The following IMPG1 variants were observed in gnomAD, a reference collection of about 807,000 sequenced individuals.
IMPG1 encodes the protein interphotoreceptor matrix proteoglycan of 150 kDa.
Under a neutral mutation model 92.0 loss-of-function variants are expected in IMPG1, and 85 were observed. The ratio of observed to expected loss-of-function variants is 0.92; its 90% CI spans 0.78 to 1.11. The LOEUF (loss-of-function observed/expected upper bound fraction) is 1.11, where lower values mean the gene tolerates loss of function less well. Among genes scored for constraint, IMPG1 ranks in the 50% least tolerant of loss-of-function variants. The probability of loss-of-function intolerance (pLI) is 0.00; values close to 1 mark genes in which losing one functional copy is unlikely to be tolerated. For synonymous variants in IMPG1, 367 were observed against 334.1 expected (o/e 1.10, Z -1.08); for missense variants, 1,022 against 956.0 (o/e 1.07, Z -0.91).
At chr6:75,932,973 T>A (rs1012763038) in intron 14 of IMPG1, among the ~76,000 whole-genome samples, 1 of 152,158 alleles carries the variant, frequency 6.6e-6, no homozygotes, top group Non-Finnish European at 1.5e-5. Flanking sequence ...AGTGCTGGGA[T>A]TACAGGCGTG....
chr6:75,949,014 G>T (rs1275778756), intron 13 of IMPG1, among the ~76,000 whole-genome samples: 1 of 152,170 alleles, frequency 6.6e-6, no homozygotes, highest in Non-Finnish European at 1.5e-5. Flanking sequence ...ATAGAGCTAA[G>T]CTGTCCTACC....
At chr6:75,988,610 T>TA (rs1405037522) in intron 12 of IMPG1, among the ~76,000 whole-genome samples, 3 of 152,196 alleles carry the variant, frequency 2.0e-5, no homozygotes, top group Non-Finnish European at 4.4e-5. Flanking sequence ...GAGTGAAACT[T>TA]ATAAGAAAGA....
chr6:76,035,393 G>C (rs893841294), intron 2 of IMPG1, among the ~76,000 whole-genome samples: 6 of 151,852 alleles, frequency 4.0e-5, no homozygotes, highest in Non-Finnish European at 5.9e-5. Context: ...CAGCTACTTG[G>C]GGGGCTGAGG....
At chr6:75,995,391 T>G (rs2149474510) in intron 12 of IMPG1, among the ~76,000 whole-genome samples, 1 of 152,318 alleles carries the variant, frequency 6.6e-6, no homozygotes, top group East Asian at 1.9e-4. Flanking sequence ...CTTCTAGAGC[T>G]TCACCATTTT....
chr6:76,013,580 C>A (rs1783230321), intron 7 of IMPG1, among the ~76,000 whole-genome samples: 1 of 152,106 alleles, frequency 6.6e-6, no homozygotes, highest in South Asian at 2.1e-4. Flanking sequence ...CAGTATACCC[C>A]ATAAAAGTCT....
chr6:75,975,869 T>C (rs1173706303), intron 12 of IMPG1, among the ~76,000 whole-genome samples: 1 of 152,244 alleles, frequency 6.6e-6, no homozygotes, highest in East Asian at 1.9e-4. Context: ...TGGGCATGGC[T>C]ACATTCCAAT....
intron 10 of IMPG1, among the ~76,000 whole-genome samples, chr6:76,004,170 A>T: frequency 6.6e-6 from 1 of 152,180 alleles, no homozygotes; most frequent in East Asian, 1.9e-4. Flanking sequence ...ATGTGATAAG[A>T]ATAGTTATTA....
intron 13 of IMPG1, among the ~76,000 whole-genome samples, chr6:75,949,030 A>G (rs938325222): frequency 6.6e-5 from 10 of 152,200 alleles, no homozygotes; most frequent in African/African-American, 1.9e-4. Context: ...CTACCCATCA[A>G]GTGAAAGAGA....
At chr6:76,038,971 A>T (rs536855450) in intron 2 of IMPG1, among the ~76,000 whole-genome samples, 6 of 152,340 alleles carry the variant, frequency 3.9e-5, no homozygotes, top group African/African-American at 1.2e-4. Flanking sequence ...TTGTGCACAC[A>T]TTAGAGGGTG....
chr6:76,062,877 T>G (rs1299675620), intron 1 of IMPG1, among the ~76,000 whole-genome samples: 1 of 149,856 alleles, frequency 6.7e-6, no homozygotes, highest in Non-Finnish European at 1.5e-5. Context: ...TTTTTTCCCC[T>G]AGTATGGCTA....
intron 7 of IMPG1, among the ~76,000 whole-genome samples, chr6:76,015,194 A>C (rs984017271): frequency 1.3e-5 from 2 of 152,198 alleles, no homozygotes; most frequent in African/African-American, 4.8e-5. Context: ...TAAATTGCTC[A>C]TTAGGTTTAT....
At position 76,035,535 on chromosome 6, in the gene IMPG1, G is replaced by A. The variant is rs79432658; in HGVS notation, c.302-748C>T. Among the ~76,000 whole-genome samples, 759 of 147,638 alleles carry A rather than the reference G, an allele frequency of 5.1e-3. 6 individuals carry two copies. The highest frequency in any genetic ancestry group is 0.018 in the African/African-American group (712 of 40,438). On this transcript the variant is annotated intron_variant, in intron 2 of 16. Transcript: ENST00000369950. ...AAAAAAAAAAAAAAAGAAAAATGTG[G>A]CAAGGTGAACACAGATTGTGTAGGG...
intron 12 of IMPG1, among the ~76,000 whole-genome samples, chr6:75,973,676 C>G (rs1000271223): frequency 6.6e-6 from 1 of 152,202 alleles, no homozygotes; most frequent in Non-Finnish European, 1.5e-5. Context: ...TCAGGGCACA[C>G]AATCAGACTC....
chr6:75,923,267 G>T (rs891532774), intron 16 of IMPG1, among the ~76,000 whole-genome samples: 4 of 151,938 alleles, frequency 2.6e-5, no homozygotes, highest in African/African-American at 9.7e-5. Flanking sequence ...TCCTTTAGCT[G>T]ATTATTATTT....
chr6:76,050,033 T>A (rs1784010326), intron 1 of IMPG1, among the ~76,000 whole-genome samples: 1 of 152,168 alleles, frequency 6.6e-6, no homozygotes, highest in African/African-American at 2.4e-5. Context: ...GAACAACCAC[T>A]GAATTTAAAC....
Position 75,921,883 on chromosome 6 carries a change from T to TACCAGTA in IMPG1, c.*205_*206insTACTGGT. On this transcript the variant is annotated 3_prime_UTR_variant, in exon 17 of 17. Transcript: ENST00000369950. ...TCGCTGATTGCATTTGGGGTTTTAATAATAAGTAAGTGTCTTTTTCTTCAG... is the reference window on the plus strand; with the variant it reads ...TCGCTGATTGCATTTGGGGTTTTAATACCAGTAAATAAGTAAGTGTCTTTTTCTTCAG... 1 of 406,300 alleles carries TACCAGTA rather than the reference T, an allele frequency of 2.5e-6. No individual in the cohort carries two copies. Among genetic ancestry groups the TACCAGTA allele is most frequent in the East Asian group, 4.5e-5 (1 of 22,228 alleles). The allele number at this position is 406,300 out of a possible 1,614,324, so 25.2% of individuals were successfully genotyped here.
chr6:76,001,755 G>A (rs1180202144), intron 12 of IMPG1, among the ~76,000 whole-genome samples: 1 of 152,148 alleles, frequency 6.6e-6, no homozygotes, highest in Non-Finnish European at 1.5e-5. Context: ...GCTGATCCCT[G>A]CCAAAATTAC....
intron 2 of IMPG1, among the ~76,000 whole-genome samples, chr6:76,036,731 T>A (rs892162928): frequency 2.6e-5 from 4 of 152,202 alleles, no homozygotes; most frequent in Non-Finnish European, 5.9e-5. Context: ...TGACATTTCC[T>A]ACTGTTAAGA....
chr6:76,034,471 G>T (rs2149487923), intron 3 of IMPG1, 128 bp from the exon 4 acceptor site: 1 of 1,228,208 alleles, frequency 8.1e-7, no homozygotes, highest in Non-Finnish European at 1.2e-6. Context: ...TATTTTGCAA[G>T]AATAAAATTT....
Sources: allele counts gnomAD v4.1 joint callset (sites outside exome capture counted in the v4.1 genomes callset), GRCh38; gene constraint gnomAD v4.1.1; transcripts MANE v1.5; gene names NCBI Gene and HGNC (gene_info 2026-07-23, HGNC 2026-07-21).